SSC5D: variants seen among roughly 807,000 people sequenced by gnomAD.
SSC5D encodes the protein soluble scavenger receptor cysteine-rich domain-containing protein SSC5D.
In SSC5D, 106 loss-of-function variants were observed where a neutral mutation model predicts 104.6. That is an observed-to-expected ratio of 1.01 (90% CI 0.87 to 1.19). The LOEUF is 1.19. Ranked by LOEUF, SSC5D falls within the 50% of genes most tolerant of loss-of-function variation. The probability of loss-of-function intolerance (pLI) is 0.00; values close to 1 mark genes in which losing one functional copy is unlikely to be tolerated. For synonymous variants in SSC5D, 860 were observed against 883.5 expected, an observed-to-expected ratio of 0.97 and a Z score of 0.47; for missense variants, 1,993 against 2,153.8, an observed-to-expected ratio of 0.93 and a Z score of 1.48.
chr19:55,498,264 G>A, intron 9 of SSC5D, 67 bp downstream of exon 9: 1 of 1,496,014 alleles, frequency 6.7e-7, no homozygotes, highest in South Asian at 1.2e-5. Context: ...AACTAACATG[G>A]GCACTAACAT....
chr19:55,517,042 T>TGC (rs1987886198), intron 13 of SSC5D, among the ~76,000 whole-genome samples, 182 bp from the exon 14 acceptor site: 1 of 152,142 alleles, frequency 6.6e-6, no homozygotes, highest in African/African-American at 2.4e-5. Flanking sequence ...AGGTGGCGCC[T>TGC]GGAGCCATCG....
At chr19:55,491,890 G>T (rs918899845) in intron 6 of SSC5D, 9 of 152,364 alleles carry the variant, frequency 5.9e-5, no homozygotes, top group African/African-American at 2.2e-4. Context: ...GACTGTAGGA[G>T]GCCGGCAGGC....
rs777751220 is a variant in SSC5D at position 55,491,063 on chromosome 19, C to A, written c.878C>A (p.Ala293Glu). 1.3e-6 allele frequency: 2 copies of A among 1,549,890 alleles called. No individual in the cohort carries two copies. The highest frequency in any genetic ancestry group is 1.7e-6 in the Non-Finnish European group (2 of 1,146,588). ...AGCAACTGTGACCACAGCGAGGATG[C>A]GGGGCTGGTCTGCACCGGTACGTCG... The part of the protein sequence containing the change: ...GRSNCDHSED[A>E]GLVCTGPAPR... The change falls in exon 6 of 14, where the codon GCG (alanine) becomes GAG (glutamate). Residue 293 changes from alanine to glutamate, a missense_variant. By Grantham distance (107) the Ala-to-Glu change is moderately radical. Coordinates refer to ENST00000389623, the MANE Select transcript of SSC5D (RefSeq NM_001144950.2).
At chr19:55,509,194 A>G (rs1352466354) in intron 12 of SSC5D, among the ~76,000 whole-genome samples, 1 of 152,196 alleles carries the variant, frequency 6.6e-6, no homozygotes, top group African/African-American at 2.4e-5. Flanking sequence ...TTTGTGAATC[A>G]GCAGCCTCCC....
Position 55,517,246 on chromosome 19 carries a change from C to G in SSC5D, c.2970C>G (p.Pro990=), listed in dbSNP as rs915276884. ...GDTGSPRKPW[P]ERRPPRPAAT... ...CAGGTTCCCCGAGGAAACCGTGGCC[C>G]GAGCGCCGGCCACCGCGGCCCGCTG... The change falls in exon 14 of 14, where the codon CCC becomes CCG. Residue 990 remains proline, a synonymous_variant. Transcript: ENST00000389623. 3.2e-6 allele frequency: 5 copies of G among 1,541,120 alleles called. No individual in the cohort carries two copies. Among genetic ancestry groups the G allele is most frequent in the South Asian group, 1.2e-5 (1 of 83,926 alleles).
At position 55,503,615 on chromosome 19, in the gene SSC5D, G is replaced by C. The variant is rs1032930585; in HGVS notation, c.2785+2414G>C. 5.9e-5 allele frequency among the ~76,000 whole-genome samples: 9 copies of C among 152,098 alleles called. No homozygotes were observed. The highest frequency in any genetic ancestry group is 1.3e-4 in the Non-Finnish European group (9 of 68,016). ...GGAGGTTTCACTCCCCACCTAAGGG[G>C]CAGCGTTTCTGTCCTCCCTCTGTGC... On this transcript the variant is annotated intron_variant, in intron 12 of 13. Coordinates refer to ENST00000389623, the MANE Select transcript of SSC5D (RefSeq NM_001144950.2). This position sits in a 1 kb window ranked among gnomAD's most constrained non-coding sequence, Gnocchi z 4.0.
At chr19:55,498,266 C>A in intron 9 of SSC5D, 69 bp downstream of exon 9, 1 of 1,485,880 alleles carries the variant, frequency 6.7e-7, no homozygotes, top group Non-Finnish European at 9.2e-7. Flanking sequence ...CTAACATGGG[C>A]ACTAACATTG....
Position 55,488,522 on chromosome 19 carries a change from G to A in SSC5D, c.-68G>A. The A allele has an allele frequency of 1.4e-6, 2 of 1,430,770 alleles. No individual in the cohort carries two copies. Among genetic ancestry groups the A allele is most frequent in the Middle Eastern group, 1.7e-4 (1 of 5,732 alleles). 88.6% of individuals were successfully genotyped at this position (1,430,770 alleles called of 1,614,324 possible). A position where few individuals can be genotyped will look rare whatever the true frequency, so the allele number is the denominator to read the frequency against. On this transcript the variant is annotated 5_prime_UTR_variant, in exon 1 of 14. Transcript: ENST00000389623. ...ACTTCCCTCCCTCCCTCTCTCCCCA[G>A]CTGCCTCCTCCTCTTCTCTCCCCGC... is the stretch of plus-strand genomic sequence containing the variant.
At chr19:55,489,716 G>A (rs1053958863) in intron 3 of SSC5D, 54 bp downstream of exon 3, 2 of 1,514,920 alleles carry the variant, frequency 1.3e-6, no homozygotes, top group African/African-American at 2.8e-5. Flanking sequence ...GATGACCCAG[G>A]AACCCCAAGT....
rs778990596 is a variant in SSC5D, at chr19:55,494,687, C to T, written c.1291C>T (p.Pro431Ser). ...CACGCCCAGGGAGGCTGCCTCCAGG[C>T]CCCCGTCCACCATGACGAGCCAGGC... The part of the protein sequence containing the change: ...NSTPREAASR[P>S]PSTMTSQAPG... Residue 431 changes from proline (P) to serine (S), a missense_variant, in exon 8 of 14, where the codon CCC (proline) becomes TCC (serine). Pro to Ser is a moderately conservative substitution (Grantham distance 74, BLOSUM62 -1). Around this residue, in one of 6 missense-constraint regions of SSC5D, gnomAD observed 1,101 missense variants for 1,085.0 expected, o/e 1.01. Coordinates refer to ENST00000389623, the MANE Select transcript of SSC5D (RefSeq NM_001144950.2). 3.9e-6 allele frequency: 6 copies of T among 1,550,212 alleles called. No homozygotes were observed. The highest frequency in any genetic ancestry group is 1.2e-5 in the South Asian group (1 of 83,976).
intron 12 of SSC5D, among the ~76,000 whole-genome samples, chr19:55,510,811 C>T (rs1195668735): frequency 6.6e-6 from 1 of 152,108 alleles, no homozygotes; most frequent in Non-Finnish European, 1.5e-5. Flanking sequence ...AGGAGTCTCA[C>T]TCTATGGTCC....
rs538037970 is a variant in SSC5D, at chr19:55,502,236, C to T, written c.2785+1035C>T. ...TCACTTCATTTTCCATGATCAAATT[C>T]TCTATCTTTTCTTCTCTGTGCCAAT... On this transcript the variant is annotated intron_variant, in intron 12 of 13. Coordinates refer to ENST00000389623, the MANE Select transcript of SSC5D (RefSeq NM_001144950.2). Among the ~76,000 whole-genome samples the T allele has an allele frequency of 4.6e-5, 7 of 152,174 alleles. No homozygotes were observed. The East Asian group carries it at 7.7e-4, about 17-fold the overall frequency.
Position 55,500,425 on chromosome 19 carries a change from G to A in SSC5D, c.2302+13G>A. On this transcript the variant is annotated intron_variant, in intron 10 of 13. Transcript: ENST00000389623. This position sits in a 1 kb window ranked among gnomAD's most constrained non-coding sequence, Gnocchi z 4.6. ...ACTGGGGAATCAGGTGAGTGGCCGTGAGGGGTGTGGGGAGAGAATGGGAGA... is the reference window on the plus strand; with the variant it reads ...ACTGGGGAATCAGGTGAGTGGCCGTAAGGGGTGTGGGGAGAGAATGGGAGA... 1 of 1,549,614 alleles carries A rather than the reference G, an allele frequency of 6.5e-7. No homozygotes were observed. The highest frequency in any genetic ancestry group is 1.4e-5 in the African/African-American group (1 of 73,130).
At chr19:55,516,788 T>C (rs1232019380) in intron 13 of SSC5D, among the ~76,000 whole-genome samples, 1 of 152,166 alleles carries the variant, frequency 6.6e-6, no homozygotes, top group African/African-American at 2.4e-5. Flanking sequence ...ATTACTAACA[T>C]TACCCTTCGG....
At chr19:55,493,503 T>G in intron 6 of SSC5D, 92 bp from the exon 7 acceptor site, 1 of 1,117,638 alleles carries the variant, frequency 8.9e-7, no homozygotes, top group South Asian at 1.8e-5. Flanking sequence ...CTTCCCAGAG[T>G]CATCTTGGGG....
chr19:55,515,697 A>T (rs987881377), intron 13 of SSC5D, among the ~76,000 whole-genome samples: 1 of 151,038 alleles, frequency 6.6e-6, no homozygotes, highest in Non-Finnish European at 1.5e-5. Flanking sequence ...GTGCCACTGC[A>T]CTCTAACCTG....
rs978187782 is a variant in SSC5D at position 55,518,235 on chromosome 19, C to T, written c.3959C>T (p.Thr1320Ile). ...TACCCCACCACTACTCCTGATCCCA[C>T]CACGACCCCTCACCCCACAACTCCT... ...TPYPTTTPDPTTTPHPTTPDP... is the reference protein window; with the variant it reads ...TPYPTTTPDPITTPHPTTPDP... Residue 1320 changes from threonine (T) to isoleucine (I), a missense_variant, in exon 14 of 14, where the codon ACC becomes ATC. By Grantham distance (89) the Thr-to-Ile change is moderately conservative. This residue lies in a region of SSC5D where 349 missense variants were observed against 397.6 expected (regional missense o/e 0.88). Coordinates refer to ENST00000389623, the MANE Select transcript of SSC5D (RefSeq NM_001144950.2). 4.1e-6 allele frequency: 6 copies of T among 1,478,442 alleles called. No individual in the cohort carries two copies. Among genetic ancestry groups the T allele is most frequent in the Middle Eastern group, 1.7e-4 (1 of 5,786 alleles). 91.6% of individuals were successfully genotyped at this position (1,478,442 alleles called of 1,614,324 possible).
At chr19:55,512,955 G>C in intron 12 of SSC5D, 56 bp from the exon 13 acceptor site, 2 of 1,547,876 alleles carry the variant, frequency 1.3e-6, no homozygotes, top group Non-Finnish European at 1.7e-6. Flanking sequence ...GAGAGACGGG[G>C]AGTCAAACTC....
At chr19:55,507,334 C>T (rs1008759407) in intron 12 of SSC5D, among the ~76,000 whole-genome samples, 8 of 124,982 alleles carry the variant, frequency 6.4e-5, no homozygotes, top group East Asian at 4.7e-4. Context: ...AGTGAGACCC[C>T]GTCTCAAAAA....
Sources: allele counts gnomAD v4.1 joint callset (sites outside exome capture counted in the v4.1 genomes callset), GRCh38; gene constraint gnomAD v4.1.1; regional missense constraint gnomAD v4.1.1; non-coding constraint Gnocchi (gnomAD v3.1); transcripts MANE v1.5; gene names NCBI Gene and HGNC (gene_info 2026-07-23, HGNC 2026-07-21).